Variants in ATP8A2 observed in about 807,000 individuals in gnomAD.
ATP8A2 encodes ATPase phospholipid transporting 8A2.
In ATP8A2, 100 loss-of-function variants were observed where a neutral mutation model predicts 165.6. The ratio of observed to expected loss-of-function variants is 0.60; its 90% CI spans 0.51 to 0.71. ATP8A2 has a LOEUF of 0.71. Among genes scored for constraint, ATP8A2 ranks in the 30% least tolerant of loss-of-function variants. The pLI is 0.00. For missense variants in ATP8A2, 1,227 were observed against 1,479.5 expected, an observed-to-expected ratio of 0.83 and a Z score of 2.80; for synonymous variants, 543 against 548.8, an observed-to-expected ratio of 0.99 and a Z score of 0.15.
At chr13:25,647,650 A>C (rs1482551598) in intron 24 of ATP8A2, among the ~76,000 whole-genome samples, 2 of 151,998 alleles carry the variant, frequency 1.3e-5, no homozygotes, top group African/African-American at 4.8e-5. Flanking sequence ...CCCCAGTAAG[A>C]AAAGTTTTCA....
At chr13:26,018,249 G>A (rs530391292) in intron 36 of ATP8A2, among the ~76,000 whole-genome samples, 23 of 152,330 alleles carry the variant, frequency 1.5e-4, no homozygotes, top group Admixed American at 2.6e-4. Flanking sequence ...GCCCAGGACC[G>A]GGACTCTCAG....
chr13:25,978,174 A>T (rs1019343459), intron 35 of ATP8A2, among the ~76,000 whole-genome samples: 5 of 152,228 alleles, frequency 3.3e-5, no homozygotes, highest in Admixed American at 3.3e-4. Context: ...CTTGAGCAGC[A>T]ATAGAAACAT....
At chr13:25,755,535 A>G (rs906535152) in intron 25 of ATP8A2, among the ~76,000 whole-genome samples, 2 of 152,228 alleles carry the variant, frequency 1.3e-5, no homozygotes, top group East Asian at 3.8e-4. Flanking sequence ...GGAACTTACT[A>G]TCTTATTTGT....
chr13:25,458,875 G>A (rs928710286), intron 1 of ATP8A2, among the ~76,000 whole-genome samples: 2 of 152,212 alleles, frequency 1.3e-5, no homozygotes, highest in Non-Finnish European at 2.9e-5. Context: ...GCTTGGTAGG[G>A]TTGTGGAATG....
At chr13:25,839,045 A>G (rs1263835704) in intron 29 of ATP8A2, among the ~76,000 whole-genome samples, 6 of 152,262 alleles carry the variant, frequency 3.9e-5, no homozygotes, top group East Asian at 3.8e-4. Flanking sequence ...GATTTGAAGT[A>G]GTAAAACAAA....
In ATP8A2 at chr13:25,963,785, T is replaced by G. The variant is rs141779513; in HGVS notation, c.3272+2122T>G. 3.3e-5 allele frequency among the ~76,000 whole-genome samples: 5 copies of G among 152,356 alleles called. No individual in the cohort carries two copies. The East Asian group carries it at 9.6e-4, about 29-fold the overall frequency. ...TTCTTTGTCCATTTTCTGGCTCTTT[T>G]CCAGTGCGTTCTGAGTAATCATTCC... is the stretch of plus-strand genomic sequence containing the variant. On this transcript the variant is annotated intron_variant, in intron 34 of 36. Coordinates refer to ENST00000381655, the MANE Select transcript of ATP8A2 (RefSeq NM_016529.6).
At chr13:25,857,762 G>T (rs1022474135) in intron 30 of ATP8A2, among the ~76,000 whole-genome samples, 1 of 151,648 alleles carries the variant, frequency 6.6e-6, no homozygotes, top group South Asian at 2.1e-4. Context: ...GTAGAGACAG[G>T]GTTTCACCAT....
At chr13:25,433,099 A>G (rs1426572297) in intron 1 of ATP8A2, among the ~76,000 whole-genome samples, 1 of 152,180 alleles carries the variant, frequency 6.6e-6, no homozygotes, top group Non-Finnish European at 1.5e-5. Context: ...GTCTGTCTGC[A>G]TTCCTAAGCC....
chr13:25,873,152 T>C (rs1396008491), intron 33 of ATP8A2, among the ~76,000 whole-genome samples: 4 of 152,192 alleles, frequency 2.6e-5, no homozygotes, highest in Non-Finnish European at 5.9e-5. Context: ...TCCCACACAC[T>C]TGGGGTGTGC....
At chr13:26,016,310 G>A (rs1956972465) in intron 36 of ATP8A2, among the ~76,000 whole-genome samples, 1 of 152,178 alleles carries the variant, frequency 6.6e-6, no homozygotes, top group Non-Finnish European at 1.5e-5. Flanking sequence ...ACTTACCCTG[G>A]GAGGTTTACA....
At chr13:25,874,266 G>C (rs969748500) in intron 33 of ATP8A2, among the ~76,000 whole-genome samples, 1 of 152,162 alleles carries the variant, frequency 6.6e-6, no homozygotes, top group African/African-American at 2.4e-5. Context: ...TGAGGAGCGA[G>C]CTCCTACAGG....
chr13:25,492,525 T>A (rs1483865676), intron 2 of ATP8A2, among the ~76,000 whole-genome samples: 2 of 152,156 alleles, frequency 1.3e-5, no homozygotes, highest in Non-Finnish European at 2.9e-5. Context: ...CCCTCAGCCA[T>A]CATCACAAGA....
At chr13:25,987,563 G>A (rs78423130) in intron 35 of ATP8A2, among the ~76,000 whole-genome samples, 52 of 152,254 alleles carry the variant, frequency 3.4e-4, no homozygotes, top group African/African-American at 1.2e-3. Flanking sequence ...TCAGCATGCT[G>A]TTGCCTCACT....
intron 24 of ATP8A2, among the ~76,000 whole-genome samples, chr13:25,682,122 CCG>C (rs1186769195): frequency 6.6e-6 from 1 of 152,098 alleles, no homozygotes; most frequent in Non-Finnish European, 1.5e-5. Context: ...ACCAAAAACC[CCG>C]TGATCACCAT....
At chr13:25,426,808 C>T (rs374066700) in intron 1 of ATP8A2, among the ~76,000 whole-genome samples, 108 of 152,008 alleles carry the variant, frequency 7.1e-4, no homozygotes, top group African/African-American at 2.5e-3. Flanking sequence ...TAGCTGGGCA[C>T]GATAACACAT....
At chr13:26,010,983 C>T (rs1261895504) in intron 35 of ATP8A2, among the ~76,000 whole-genome samples, 1 of 152,128 alleles carries the variant, frequency 6.6e-6, no homozygotes, top group Non-Finnish European at 1.5e-5. Flanking sequence ...ACTCCTCTTT[C>T]GATGGCCCTG....
At chr13:25,412,583 A>G (rs1279560318) in intron 1 of ATP8A2, among the ~76,000 whole-genome samples, 2 of 152,214 alleles carry the variant, frequency 1.3e-5, no homozygotes, top group Non-Finnish European at 2.9e-5. Context: ...GACTTATAAG[A>G]AGGGCCTTCA....
Position 25,765,937 on chromosome 13 carries a change from C to T in ATP8A2, c.2385-3109C>T, listed in dbSNP as rs1451185734. On this transcript the variant is annotated intron_variant, in intron 25 of 36. Transcript: ENST00000381655. ...ACCCCTGCAGTGTGAAGTGGCCAAG[C>T]CTTTGCCTGTGGGCTTCCTTTCTCT... Among the ~76,000 whole-genome samples the T allele has an allele frequency of 1.3e-5, 2 of 152,294 alleles. 1 individual carries two copies. Among genetic ancestry groups the T allele is most frequent in the Middle Eastern group, 6.8e-3 (2 of 294 alleles).
intron 1 of ATP8A2, among the ~76,000 whole-genome samples, chr13:25,401,625 G>T (rs1451203183): frequency 6.6e-6 from 1 of 152,144 alleles, no homozygotes; most frequent in East Asian, 1.9e-4. Flanking sequence ...GTTGGTTCAG[G>T]AGGGAAAAAG....
Sources: allele counts gnomAD v4.1 joint callset (sites outside exome capture counted in the v4.1 genomes callset), GRCh38; gene constraint gnomAD v4.1.1; transcripts MANE v1.5; gene names NCBI Gene and HGNC (gene_info 2026-07-23, HGNC 2026-07-21).